REC114: variants seen among roughly 807,000 people sequenced by gnomAD.
REC114 encodes meiotic recombination protein REC114.
In REC114, 27 loss-of-function variants were observed where a neutral mutation model predicts 31.3. The observed-to-expected ratio is 0.86, with a 90% CI of 0.64 to 1.19. REC114 has a LOEUF of 1.19. Among genes scored for constraint, REC114 ranks in the 50% most tolerant of loss-of-function variants. The pLI is 0.00. For missense variants in REC114, 344 were observed against 326.9 expected (o/e 1.05, Z -0.40); for synonymous variants, 134 against 127.7 (o/e 1.05, Z -0.33).
chr15:73,494,583 A>G (rs995943600), intron 2 of REC114, among the ~76,000 whole-genome samples: 3 of 151,964 alleles, frequency 2.0e-5, no homozygotes, highest in African/African-American at 4.8e-5. Context: ...TGCTTTAAGT[A>G]TTAAAAAGAA....
At chr15:73,468,244 T>C (rs1252650225) in intron 1 of REC114, among the ~76,000 whole-genome samples, 1 of 152,220 alleles carries the variant, frequency 6.6e-6, no homozygotes, top group South Asian at 2.1e-4. Flanking sequence ...AACAAAATAT[T>C]TCTCTCCATA....
chr15:73,547,984 A>G (rs1162414105), intron 3 of REC114, among the ~76,000 whole-genome samples: 1 of 152,094 alleles, frequency 6.6e-6, no homozygotes, highest in Non-Finnish European at 1.5e-5. Flanking sequence ...CACAAAACCT[A>G]TAGAATAGGA....
At chr15:73,469,883 A>G (rs1893109994) in intron 1 of REC114, among the ~76,000 whole-genome samples, 1 of 151,874 alleles carries the variant, frequency 6.6e-6, no homozygotes, top group Non-Finnish European at 1.5e-5. Context: ...ATGGGGTTTC[A>G]CTGTGTTAGC....
At chr15:73,495,475 C>A (rs1893507689) in intron 2 of REC114, among the ~76,000 whole-genome samples, 2 of 150,116 alleles carry the variant, frequency 1.3e-5, no homozygotes, top group African/African-American at 4.9e-5. Context: ...AACATAAATA[C>A]CACAGTCTTA....
chr15:73,518,161 G>T (rs569455380), intron 2 of REC114, among the ~76,000 whole-genome samples: 1 of 152,278 alleles, frequency 6.6e-6, no homozygotes, highest in East Asian at 1.9e-4. Context: ...AATGAATTAC[G>T]TTTGCTATTA....
intron 2 of REC114, among the ~76,000 whole-genome samples, chr15:73,517,928 C>G (rs1025035025): frequency 6.6e-6 from 1 of 152,116 alleles, no homozygotes; most frequent in Non-Finnish European, 1.5e-5. Flanking sequence ...AAAGAAGGAA[C>G]TGCCACATGT....
chr15:73,514,997 T>G (rs947555935), intron 2 of REC114, among the ~76,000 whole-genome samples: 5 of 150,746 alleles, frequency 3.3e-5, no homozygotes, highest in African/African-American at 1.2e-4. Context: ...TGGAGTGCAG[T>G]GATGCCATCA....
chr15:73,520,294 C>T (rs1190465628), intron 2 of REC114, among the ~76,000 whole-genome samples: 1 of 151,946 alleles, frequency 6.6e-6, no homozygotes, highest in African/African-American at 2.4e-5. Flanking sequence ...TGCAGTGGCA[C>T]AGTCTTGGCT....
At chr15:73,463,203 T>C (rs151280160) in intron 1 of REC114, among the ~76,000 whole-genome samples, 39 of 152,282 alleles carry the variant, frequency 2.6e-4, no homozygotes, top group African/African-American at 8.9e-4. Flanking sequence ...CTCTGCAGTA[T>C]TTCCTTGACC....
intron 2 of REC114, among the ~76,000 whole-genome samples, chr15:73,531,281 T>C (rs1257679098): frequency 2.0e-5 from 3 of 152,134 alleles, no homozygotes; most frequent in Admixed American, 1.3e-4. Context: ...AGGTAGTTTT[T>C]CCCACCATCT....
chr15:73,528,676 C>T (rs975588941), intron 2 of REC114, among the ~76,000 whole-genome samples: 4 of 152,086 alleles, frequency 2.6e-5, no homozygotes, highest in Admixed American at 6.5e-5. Context: ...AAAATTGCAG[C>T]GTTCATAAAA....
chr15:73,533,706 C>T lies in REC114; in HGVS notation c.250-6779C>T, dbSNP rs879789361. Reference sequence around the variant, plus strand: ...GCGGACCTAATAGACATCTACAGAACTCTCCACCCCAAATCAACAGAATAT... The same window carrying T: ...GCGGACCTAATAGACATCTACAGAATTCTCCACCCCAAATCAACAGAATAT... On this transcript the variant is annotated intron_variant, in intron 2 of 5. Coordinates refer to ENST00000331090, the MANE Select transcript of REC114 (RefSeq NM_001042367.2). Among the ~76,000 whole-genome samples the T allele has an allele frequency of 4.1e-3, 597 of 147,022 alleles. 3 individuals carry two copies. The highest frequency in any genetic ancestry group is 6.7e-3 in the Non-Finnish European group (450 of 66,720).
intron 1 of REC114, among the ~76,000 whole-genome samples, chr15:73,463,781 A>G (rs1236444379): frequency 6.6e-6 from 1 of 152,020 alleles, no homozygotes. Context: ...AGATCGTGCC[A>G]CTGCACTCCA....
At chr15:73,537,791 TAGAG>T (rs1234584598) in intron 2 of REC114, among the ~76,000 whole-genome samples, 3 of 152,178 alleles carry the variant, frequency 2.0e-5, no homozygotes, top group East Asian at 1.9e-4. Context: ...TAAAAAGGCA[TAGAG>T]AAAGCTTTTA....
chr15:73,491,920 T>C (rs781497352), intron 2 of REC114, among the ~76,000 whole-genome samples: 1 of 151,800 alleles, frequency 6.6e-6, no homozygotes, highest in Non-Finnish European at 1.5e-5. Flanking sequence ...AAAAAGTGAT[T>C]GTACCATTTT....
Position 73,534,797 on chromosome 15 carries a change from C to T in REC114, c.250-5688C>T, listed in dbSNP as rs557074679. ...AATCCTCAATAAAATACTGGCAAAA[C>T]GAATCCAGCAGCACATCAAAAAGCT... On this transcript the variant is annotated intron_variant, in intron 2 of 5. Coordinates refer to ENST00000331090, the MANE Select transcript of REC114 (RefSeq NM_001042367.2). Among the ~76,000 whole-genome samples, 216 of 150,338 alleles carry T rather than the reference C, an allele frequency of 1.4e-3. 1 individual carries two copies. The highest frequency in any genetic ancestry group is 5.2e-3 in the African/African-American group (211 of 40,208).
chr15:73,492,466 T>G (rs533167652), intron 2 of REC114, among the ~76,000 whole-genome samples: 1 of 152,308 alleles, frequency 6.6e-6, no homozygotes, highest in East Asian at 1.9e-4. Flanking sequence ...TATCTTTTGG[T>G]GGACACTTGT....
chr15:73,513,531 G>C (rs1323717428), intron 2 of REC114, among the ~76,000 whole-genome samples: 2 of 149,656 alleles, frequency 1.3e-5, no homozygotes, highest in Non-Finnish European at 3.0e-5. Flanking sequence ...CTGCGTTTTA[G>C]AGTTTCCAGT....
chr15:73,483,414 C>T (rs1893321883), intron 2 of REC114: 1 of 152,910 alleles, frequency 6.5e-6, no homozygotes, highest in Non-Finnish European at 1.5e-5. Context: ...GCTCAGTCCC[C>T]AGTGTGTCTT....
Sources: allele counts gnomAD v4.1 joint callset (sites outside exome capture counted in the v4.1 genomes callset), GRCh38; gene constraint gnomAD v4.1.1; transcripts MANE v1.5; gene names NCBI Gene and HGNC (gene_info 2026-07-23, HGNC 2026-07-21).